The following COG5 variants were observed in gnomAD, a reference collection of about 807,000 sequenced individuals.
COG5 encodes the protein conserved oligomeric Golgi complex subunit 5.
Under a neutral mutation model 110.4 loss-of-function variants are expected in COG5, and 86 were observed. The observed-to-expected ratio is 0.78, with a 90% CI of 0.65 to 0.93. COG5 has a LOEUF of 0.93. Among genes scored for constraint, COG5 ranks in the 40% least tolerant of loss-of-function variants. COG5 has a pLI of 0.00. For missense variants in COG5, 1,077 were observed against 987.0 expected, an observed-to-expected ratio of 1.09 and a Z score of -1.22; for synonymous variants, 360 against 334.6, an observed-to-expected ratio of 1.08 and a Z score of -0.83.
chr7:107,236,616 G>T lies in COG5; in HGVS notation c.1925C>A (p.Ala642Asp), dbSNP rs1348684293. The T allele has an allele frequency of 6.2e-7, 1 of 1,613,902 alleles. No individual in the cohort carries two copies. Among genetic ancestry groups the T allele is most frequent in the African/African-American group, 1.3e-5 (1 of 74,900 alleles). The change falls in exon 18 of 22, where the codon GCC (alanine) becomes GAC (aspartate). Residue 642 changes from alanine to aspartate, a missense_variant. Coordinates refer to ENST00000297135, the MANE Select transcript of COG5 (RefSeq NM_006348.5). Reference protein sequence around the residue: ...LYMKELQGFIARVMSDYFKHF... With the variant: ...LYMKELQGFIDRVMSDYFKHF... Reference sequence around the variant, plus strand: ...TTTAAAATAGTCACTCATAACTCTGGCAATGAAACCTTGTAGCTCCTTCAT... The same window carrying T: ...TTTAAAATAGTCACTCATAACTCTGTCAATGAAACCTTGTAGCTCCTTCAT...
At chr7:107,436,191 G>A (rs1408690655) in intron 6 of COG5, among the ~76,000 whole-genome samples, 3 of 152,146 alleles carry the variant, frequency 2.0e-5, no homozygotes, top group Non-Finnish European at 4.4e-5. Flanking sequence ...CAGTAGCCAA[G>A]ACACTGAAGC....
At chr7:107,349,850 G>A (rs1186486153) in intron 10 of COG5, among the ~76,000 whole-genome samples, 4 of 151,998 alleles carry the variant, frequency 2.6e-5, no homozygotes, top group Admixed American at 6.5e-5. Context: ...GAGCCACAGC[G>A]CCCAGTCTTT....
chr7:107,372,775 G>C lies in COG5; in HGVS notation c.670-15C>G. The C allele has an allele frequency of 6.2e-7, 1 of 1,612,706 alleles. No individual in the cohort carries two copies. The highest frequency in any genetic ancestry group is 8.5e-7 in the Non-Finnish European group (1 of 1,179,334). Reference sequence around the variant, plus strand: ...TGAGTTGGATTCTTAAAAAAAGGTGGGGTGGGGTGGAAACAGATATAAATA... The same window carrying C: ...TGAGTTGGATTCTTAAAAAAAGGTGCGGTGGGGTGGAAACAGATATAAATA... On this transcript the variant is annotated splice_polypyrimidine_tract_variant and intron_variant, in intron 7 of 21. Coordinates refer to ENST00000297135, the MANE Select transcript of COG5 (RefSeq NM_006348.5).
intron 10 of COG5, among the ~76,000 whole-genome samples, chr7:107,332,089 T>G (rs1241416940): frequency 2.6e-5 from 4 of 152,138 alleles, no homozygotes; most frequent in Non-Finnish European, 5.9e-5. Context: ...CCTCATGTGA[T>G]CGCCCGCCTT....
chr7:107,458,747 T>C (rs1271263258), intron 6 of COG5, among the ~76,000 whole-genome samples: 1 of 152,008 alleles, frequency 6.6e-6, no homozygotes, highest in Non-Finnish European at 1.5e-5. Context: ...TAGTTTCAGC[T>C]ACTCAGGAGG....
At chr7:107,411,318 TATCTTCTCTTAC>T (rs1792276869) in intron 7 of COG5, among the ~76,000 whole-genome samples, 3 of 152,182 alleles carry the variant, frequency 2.0e-5, no homozygotes, top group African/African-American at 7.2e-5. Flanking sequence ...TAAAAAAAGG[TATCTTCTCTTAC>T]TTAATGTAGA....
intron 14 of COG5, 116 bp downstream of exon 14, chr7:107,281,184 C>G: frequency 1.3e-6 from 1 of 773,078 alleles, no homozygotes; most frequent in Admixed American, 2.5e-5. Flanking sequence ...ACTTTCACTA[C>G]AGTAAAAATG....
chr7:107,343,411 T>G (rs1280605595), intron 10 of COG5, among the ~76,000 whole-genome samples: 1 of 152,190 alleles, frequency 6.6e-6, no homozygotes, highest in Non-Finnish European at 1.5e-5. Flanking sequence ...CCAGGCATAG[T>G]GGTTCATGCC....
chr7:107,379,646 A>G (rs1814938164), intron 7 of COG5, among the ~76,000 whole-genome samples: 1 of 152,042 alleles, frequency 6.6e-6, no homozygotes, highest in African/African-American at 2.4e-5. Flanking sequence ...TTTTGATAAA[A>G]CAGACTTTAA....
chr7:107,502,936 GTCT>G (rs142462310), intron 6 of COG5, among the ~76,000 whole-genome samples: 60,317 of 151,670 alleles, frequency 0.4, 12,612 homozygotes, highest in Non-Finnish European at 0.47. Flanking sequence ...CAGTTTACAA[GTCT>G]TATCTTCTCC....
chr7:107,316,317 T>C (rs1808735398), intron 11 of COG5, among the ~76,000 whole-genome samples: 1 of 151,784 alleles, frequency 6.6e-6, no homozygotes, highest in Admixed American at 6.6e-5. Context: ...GAGAGAGAAA[T>C]AAACAGAGTA....
chr7:107,295,101 A>ATTTTTT (rs1186745330), intron 12 of COG5, among the ~76,000 whole-genome samples: 20 of 45,536 alleles, frequency 4.4e-4, no homozygotes, highest in Non-Finnish European at 6.6e-4. Context: ...ATATATATAT[A>ATTTTTT]TTTTTTTTTT....
chr7:107,302,884 TA>T (rs891049919), intron 11 of COG5, among the ~76,000 whole-genome samples: 1 of 152,186 alleles, frequency 6.6e-6, no homozygotes. Flanking sequence ...CATGTGAAAC[TA>T]AAAAACAATA....
At chr7:107,249,242 A>G (rs563745588) in intron 16 of COG5, among the ~76,000 whole-genome samples, 1 of 152,218 alleles carries the variant, frequency 6.6e-6, no homozygotes, top group South Asian at 2.1e-4. Flanking sequence ...GGTATTGCTT[A>G]AAGACATTTT....
At chr7:107,410,262 T>C (rs535553097) in intron 7 of COG5, among the ~76,000 whole-genome samples, 274 of 152,306 alleles carry the variant, frequency 1.8e-3, no homozygotes, top group Admixed American at 3.6e-3. Flanking sequence ...TCAATTCTGA[T>C]GCATGGTGAA....
In COG5 at chr7:107,551,896, G is replaced by A. The variant is rs189333819; in HGVS notation, c.292+2389C>T. On this transcript the variant is annotated intron_variant, in intron 3 of 21. Transcript: ENST00000297135. ...CTCCCAGAGTGCTGGGATTATAGGC[G>A]TGAGCCACTGCACCCTGGCCTACAC... Among the ~76,000 whole-genome samples the A allele has an allele frequency of 4.4e-3, 673 of 152,296 alleles. 8 individuals are homozygous for A. Among genetic ancestry groups the A allele is most frequent in the African/African-American group, 0.015 (634 of 41,558 alleles).
intron 10 of COG5, among the ~76,000 whole-genome samples, chr7:107,335,865 A>G (rs979175350): frequency 6.6e-6 from 1 of 152,204 alleles, no homozygotes; most frequent in Admixed American, 6.5e-5. Context: ...AGACTATAAA[A>G]AGGACAAAGA....
chr7:107,479,042 C>T (rs529964658), intron 6 of COG5, among the ~76,000 whole-genome samples: 1 of 152,058 alleles, frequency 6.6e-6, no homozygotes, highest in South Asian at 2.1e-4. Flanking sequence ...AGAGTCATTA[C>T]CCTCAAGAGC....
At chr7:107,330,760 A>G (rs1810164932) in intron 10 of COG5, among the ~76,000 whole-genome samples, 3 of 151,946 alleles carry the variant, frequency 2.0e-5, no homozygotes, top group Non-Finnish European at 4.4e-5. Context: ...TGTAAATAGT[A>G]GAAATAATAT....
Sources: gnomAD v4.1 joint callset for allele counts (sites outside exome capture counted in the v4.1 genomes callset) on GRCh38, gnomAD v4.1.1 for gene constraint, MANE v1.5 for transcripts, NCBI Gene and HGNC (gene_info 2026-07-23, HGNC 2026-07-21) for gene names.